Variants in XPOT observed in about 807,000 individuals in gnomAD.
The protein encoded by XPOT is exportin-T.
Under a neutral mutation model 128.2 loss-of-function variants are expected in XPOT, and 34 were observed. The ratio of observed to expected loss-of-function variants is 0.27; its 90% CI spans 0.20 to 0.35. The LOEUF is 0.35. Ranked by LOEUF, XPOT falls within the 10% of genes least tolerant of loss-of-function variation. XPOT has a pLI of 1.00. For synonymous variants in XPOT, 348 were observed against 394.3 expected (o/e 0.88, Z 1.39); for missense variants, 838 against 1,125.3 (o/e 0.74, Z 3.65).
chr12:64,442,975 A>T (rs945859660), intron 23 of XPOT: 2 of 152,142 alleles, frequency 1.3e-5, no homozygotes, highest in African/African-American at 2.4e-5. Flanking sequence ...CCTCCCGAGT[A>T]GCTGGGATTA....
chr12:64,441,510 C>G (rs1450826713), intron 23 of XPOT, among the ~76,000 whole-genome samples: 1 of 152,136 alleles, frequency 6.6e-6, no homozygotes, highest in Non-Finnish European at 1.5e-5. Flanking sequence ...TTTGCTCTTT[C>G]TCTGGATTGT....
Position 64,449,190 on chromosome 12 carries a change from CTCT to C in XPOT, c.*1060_*1062del, listed in dbSNP as rs1470183382. 4 of 66,246 alleles carry C rather than the reference CTCT, an allele frequency of 6.0e-5. No individual in the cohort carries two copies. Among genetic ancestry groups the C allele is most frequent in the Admixed American group, 2.0e-4 (1 of 5,080 alleles). 4.1% of individuals were successfully genotyped at this position (66,246 alleles called of 1,614,324 possible). On this transcript the variant is annotated 3_prime_UTR_variant, in exon 25 of 25. Transcript: ENST00000332707. ...AGCCTGGGCAAGAGAGTAAGACTCT[CTCT>C]CAAAAAAAAAAAAAAAGAATTTAAA...
chr12:64,425,873 C>T lies in XPOT; in HGVS notation c.1631C>T (p.Thr544Met), dbSNP rs1392106849. The T allele has an allele frequency of 1.2e-5, 19 of 1,614,092 alleles. No homozygotes were observed. The highest frequency in any genetic ancestry group is 1.0e-4 in the Admixed American group (6 of 60,016). ...RHSSAKVRSR[T>M]AYLFSRFVKS... The stretch of plus-strand genomic sequence containing the variant: ...TCCAGTGCAAAAGTTCGGAGCAGGA[C>T]GGCTTACCTGTTTTCTAGATTTGTC... The change falls in exon 15 of 25, where the codon ACG (threonine) becomes ATG (methionine). Residue 544 changes from threonine (T) to methionine (M), a missense_variant. Physicochemically the swap from Thr to Met is moderately conservative, Grantham distance 81. Around this residue, in one of 3 missense-constraint regions of XPOT, gnomAD observed 761 missense variants for 988.3 expected, o/e 0.77. Coordinates refer to ENST00000332707, the MANE Select transcript of XPOT (RefSeq NM_007235.6).
rs768517443 is a variant in XPOT at position 64,439,209 on chromosome 12, CAAG to C, written c.2734-32_2734-30del. The C allele has an allele frequency of 2.5e-6, 4 of 1,589,258 alleles. No individual in the cohort carries two copies. In the South Asian group the frequency reaches 4.4e-5, roughly 18 times the overall value. ...TCTTTTTAAGCTTATTAATGTCAAG[CAAG>C]AAAATAGTTGTAAGTATCTTTTAAT... On this transcript the variant is annotated intron_variant, in intron 22 of 24. Transcript: ENST00000332707.
Position 64,430,286 on chromosome 12 carries a change from A to G in XPOT, c.1975A>G (p.Ser659Gly). The G allele has an allele frequency of 6.4e-7, 1 of 1,562,636 alleles. No homozygotes were observed. Among genetic ancestry groups the G allele is most frequent in the East Asian group, 2.2e-5 (1 of 44,446 alleles). The change falls in exon 17 of 25, where the codon AGT becomes GGT. Residue 659 changes from serine (S) to glycine (G), a missense_variant and splice_region_variant. Around this residue, in one of 3 missense-constraint regions of XPOT, gnomAD observed 761 missense variants for 988.3 expected, o/e 0.77. Transcript: ENST00000332707. Reference protein sequence around the residue: ...DCLNHAVGFASRTSKAFSNKQ... With the variant: ...DCLNHAVGFAGRTSKAFSNKQ... ...TCTTAACCATGCTGTTGGATTTGCA[A>G]GGTAAGTGTGATCACAGTTAAAATT...
chr12:64,418,223 T>G (rs1014805390), intron 5 of XPOT, 108 bp downstream of exon 5: 19 of 853,700 alleles, frequency 2.2e-5, no homozygotes, highest in Non-Finnish European at 3.4e-5. Context: ...TTCCTCCATT[T>G]GATTTCATAG....
At chr12:64,447,087 C>T (rs1014973449) in intron 24 of XPOT, among the ~76,000 whole-genome samples, 1 of 152,134 alleles carries the variant, frequency 6.6e-6, no homozygotes, top group African/African-American at 2.4e-5. Context: ...CAGGGAGACT[C>T]CCATTTTTAA....
intron 3 of XPOT, 101 bp from the exon 4 acceptor site, chr12:64,416,597 T>C (rs951641776): frequency 2.2e-6 from 2 of 905,748 alleles, no homozygotes; most frequent in Non-Finnish European, 3.5e-6. Context: ...AAGGTCTAGT[T>C]TGAGAAACTT....
intron 9 of XPOT, 149 bp downstream of exon 9, chr12:64,421,620 T>TA (rs1007572446): frequency 6.4e-3 from 3,317 of 516,772 alleles, no homozygotes; most frequent in Middle Eastern, 9.7e-3. Context: ...ATTTCCATCT[T>TA]AAAAAAAAAA....
chr12:64,442,998 A>C (rs1285174128), intron 23 of XPOT, among the ~76,000 whole-genome samples: 1 of 152,024 alleles, frequency 6.6e-6, no homozygotes, highest in Non-Finnish European at 1.5e-5. Flanking sequence ...GGCACCCGCC[A>C]CTGCACCTAG....
Position 64,421,256 on chromosome 12 carries a change from G to A in XPOT, c.865G>A (p.Ala289Thr). The A allele has an allele frequency of 6.2e-7, 1 of 1,613,764 alleles. No individual in the cohort carries two copies. Among genetic ancestry groups the A allele is most frequent in the South Asian group, 1.1e-5 (1 of 91,064 alleles). Residue 289 changes from alanine (A) to threonine (T), a missense_variant, in exon 9 of 25, where the codon GCC becomes ACC. Physicochemically the swap from Ala to Thr is moderately conservative, Grantham distance 58. Around this residue, in one of 3 missense-constraint regions of XPOT, gnomAD observed 761 missense variants for 988.3 expected, o/e 0.77. Coordinates refer to ENST00000332707, the MANE Select transcript of XPOT (RefSeq NM_007235.6). Reference sequence around the variant, plus strand: ...ATAGGAAGAAGATGTTGACTTCCTGGCCAGATTTTCTAAGTTGGTAAATGG... The same window carrying A: ...ATAGGAAGAAGATGTTGACTTCCTGACCAGATTTTCTAAGTTGGTAAATGG... ...IDQEEDVDFL[A>T]RFSKLVNGMG...
chr12:64,430,444 A>G (rs1246882130), intron 17 of XPOT, among the ~76,000 whole-genome samples, 157 bp downstream of exon 17: 1 of 152,218 alleles, frequency 6.6e-6, no homozygotes, highest in Non-Finnish European at 1.5e-5. Flanking sequence ...ATTTGGTTGA[A>G]GAAGGGGATA....
intron 2 of XPOT, 73 bp downstream of exon 2, chr12:64,410,168 C>A: frequency 1.4e-6 from 2 of 1,433,496 alleles, no homozygotes; most frequent in Non-Finnish European, 1.9e-6. Context: ...AATAAAAATG[C>A]ACCTGGCAAA....
At chr12:64,440,264 T>C (rs2040314449) in intron 23 of XPOT, among the ~76,000 whole-genome samples, 1 of 152,244 alleles carries the variant, frequency 6.6e-6, no homozygotes, top group Non-Finnish European at 1.5e-5. Flanking sequence ...CACAATGTCC[T>C]TTAGGTTCAT....
chr12:64,429,983 C>A, intron 16 of XPOT, 66 bp from the exon 17 acceptor site: 1 of 1,420,018 alleles, frequency 7.0e-7, no homozygotes, highest in Non-Finnish European at 9.5e-7. Flanking sequence ...TCCTAATGCA[C>A]TTTTTCTCAT....
chr12:64,422,943 A>G lies in XPOT; in HGVS notation c.1081-62A>G. 3 of 1,519,998 alleles carry G rather than the reference A, an allele frequency of 2.0e-6. No homozygotes were observed. The South Asian group carries it at 3.6e-5, about 18-fold the overall frequency. The allele number at this position is 1,519,998 out of a possible 1,614,324, so 94.2% of individuals were successfully genotyped here. On this transcript the variant is annotated intron_variant, in intron 9 of 24. Coordinates refer to ENST00000332707, the MANE Select transcript of XPOT (RefSeq NM_007235.6). The stretch of plus-strand genomic sequence containing the variant: ...AACCAGGTCTTAATTGATTCGAAAA[A>G]TGTTCTGATATGCAGGTATAACTTT...
At chr12:64,425,729 A>C in intron 14 of XPOT, 86 bp from the exon 15 acceptor site, 1 of 1,351,264 alleles carries the variant, frequency 7.4e-7, no homozygotes, top group Non-Finnish European at 1.1e-6. Context: ...AAGAAGTAAA[A>C]TTTGGTGTGA....
chr12:64,422,742 T>C (rs1249635552), intron 9 of XPOT, among the ~76,000 whole-genome samples: 1 of 151,574 alleles, frequency 6.6e-6, no homozygotes, highest in East Asian at 1.9e-4. Flanking sequence ...CTATAAATAA[T>C]AAAAAGAAAA....
chr12:64,424,838 G>C, intron 12 of XPOT, 115 bp downstream of exon 12: 1 of 1,406,228 alleles, frequency 7.1e-7, no homozygotes, highest in Non-Finnish European at 9.7e-7. Flanking sequence ...GAGATCTTAT[G>C]TGTATCTCTG....
Sources: gnomAD v4.1 joint callset for allele counts (sites outside exome capture counted in the v4.1 genomes callset) on GRCh38, gnomAD v4.1.1 for gene constraint, gnomAD v4.1.1 regional missense constraint, MANE v1.5 for transcripts, NCBI Gene and HGNC (gene_info 2026-07-23, HGNC 2026-07-21) for gene names.